The following ADAP1 variants were observed in gnomAD, a reference collection of about 807,000 sequenced individuals.
ADAP1 encodes the protein arf-GAP with dual PH domain-containing protein 1.
In ADAP1, 31 loss-of-function variants were observed where a neutral mutation model predicts 54.9. The ratio of observed to expected loss-of-function variants is 0.56; its 90% CI spans 0.42 to 0.76. The LOEUF (loss-of-function observed/expected upper bound fraction) is 0.76. Ranked by LOEUF, ADAP1 falls within the 30% of genes least tolerant of loss-of-function variation. ADAP1 has a pLI of 0.00. For synonymous variants in ADAP1, 313 were observed against 202.6 expected, an observed-to-expected ratio of 1.55 and a Z score of -4.63; for missense variants, 535 against 512.4, an observed-to-expected ratio of 1.04 and a Z score of -0.42.
At chr7:937,932 AG>A (rs1377119600) in intron 1 of ADAP1, among the ~76,000 whole-genome samples, 1 of 152,174 alleles carries the variant, frequency 6.6e-6, no homozygotes, top group Non-Finnish European at 1.5e-5. Context: ...CTCAGTCCGG[AG>A]CAGGTCTCCA....
At chr7:913,649 C>A (rs891438169) in intron 4 of ADAP1, among the ~76,000 whole-genome samples, 1 of 152,126 alleles carries the variant, frequency 6.6e-6, no homozygotes, top group African/African-American at 2.4e-5. Context: ...AAAGCTCCTT[C>A]AGAGGCCAGG....
chr7:898,873 C>G lies in ADAP1; in HGVS notation c.*48G>C, dbSNP rs376274002. Reference sequence around the variant, plus strand: ...AGCCCCCCCATCCACGGGTCCCCTCCGTCCAGCCACAGTGAGTCCAATGTC... The same window carrying G: ...AGCCCCCCCATCCACGGGTCCCCTCGGTCCAGCCACAGTGAGTCCAATGTC... On this transcript the variant is annotated 3_prime_UTR_variant, in exon 11 of 11. Coordinates refer to ENST00000265846, the MANE Select transcript of ADAP1 (RefSeq NM_006869.4). The G allele has an allele frequency of 1.3e-6, 2 of 1,567,188 alleles. No individual in the cohort carries two copies. Among genetic ancestry groups the G allele is most frequent in the African/African-American group, 1.4e-5 (1 of 73,624 alleles).
intron 2 of ADAP1, among the ~76,000 whole-genome samples, chr7:929,330 G>A (rs1022552237): frequency 6.6e-6 from 1 of 150,498 alleles, no homozygotes; most frequent in African/African-American, 2.4e-5. Flanking sequence ...TCTGACACAC[G>A]CTACAACCCA....
At chr7:911,326 C>T (rs1321778869) in intron 4 of ADAP1, among the ~76,000 whole-genome samples, 1 of 150,380 alleles carries the variant, frequency 6.6e-6, no homozygotes, top group East Asian at 1.9e-4. Context: ...CACGGGTTCA[C>T]AGTTTCCACA....
Position 945,258 on chromosome 7 carries a change from C to G in ADAP1, c.82+9138G>C, listed in dbSNP as rs565508097. ...GCATCCGCAAATGCCCGCAGCCCAT[C>G]GGAGCGAAAAGGGGCGGGGCACGCA... is the stretch of plus-strand genomic sequence containing the variant. On this transcript the variant is annotated intron_variant, in intron 1 of 10. Coordinates refer to ENST00000265846, the MANE Select transcript of ADAP1 (RefSeq NM_006869.4). The surrounding 1 kb of genome is among the most constrained non-coding windows in gnomAD (Gnocchi z 4.2). 1.3e-5 allele frequency among the ~76,000 whole-genome samples: 2 copies of G among 152,198 alleles called. No homozygotes were observed. Among genetic ancestry groups the G allele is most frequent in the Non-Finnish European group, 2.9e-5 (2 of 68,040 alleles).
chr7:909,174 C>T (rs1845609093), intron 4 of ADAP1, among the ~76,000 whole-genome samples: 2 of 131,574 alleles, frequency 1.5e-5, no homozygotes, highest in African/African-American at 5.7e-5. Flanking sequence ...CGACAGCAGG[C>T]GCCAGCGGGA....
intron 1 of ADAP1, among the ~76,000 whole-genome samples, chr7:949,309 T>G (rs75064722): frequency 0.042 from 6,454 of 152,338 alleles, 458 homozygotes; most frequent in African/African-American, 0.15. Context: ...TCAGCCACCT[T>G]GGACCCCACC....
chr7:905,042 C>T lies in ADAP1; in HGVS notation c.501+18G>A, dbSNP rs756339314. On this transcript the variant is annotated intron_variant, in intron 5 of 10. Transcript: ENST00000265846. Reference sequence around the variant, plus strand: ...CGCCCTGGGACAGGCCCCCACCCCACCCCCGTCTGTGACTCACATCATTTC... The same window carrying T: ...CGCCCTGGGACAGGCCCCCACCCCATCCCCGTCTGTGACTCACATCATTTC... 1.4e-5 allele frequency: 22 copies of T among 1,602,878 alleles called. No homozygotes were observed. In the South Asian group the frequency reaches 2.2e-4, roughly 16 times the overall value.
Position 931,456 on chromosome 7 carries a change from G to A in ADAP1, c.213+3919C>T, listed in dbSNP as rs117256558. Among the ~76,000 whole-genome samples the A allele has an allele frequency of 1.2e-4, 19 of 152,266 alleles. No individual in the cohort carries two copies. The East Asian group carries it at 3.1e-3, about 25-fold the overall frequency. On this transcript the variant is annotated intron_variant, in intron 2 of 10. Coordinates refer to ENST00000265846, the MANE Select transcript of ADAP1 (RefSeq NM_006869.4). ...TGATGGGCCTCGGGGACCTGGCACC[G>A]CGGGAAAGGAGTCGGACGCCGAAGC...
chr7:944,013 T>G (rs564837058), intron 1 of ADAP1, among the ~76,000 whole-genome samples: 21 of 152,110 alleles, frequency 1.4e-4, no homozygotes, highest in Admixed American at 5.2e-4. Flanking sequence ...CCTCCTGGAT[T>G]CAAGTGATCC....
At position 900,164 on chromosome 7, in the gene ADAP1, G is replaced by A. The variant is rs367753623; in HGVS notation, c.733C>T (p.Leu245=). ...TAGTTCCTGGAGAGCTTTGGCACCA[G>A]CTAGGGCAGGACACACCAGGCAGGG... ...VAFPGAGDAD[L]VPKLSRNYLK... The change falls in exon 8 of 11, where the codon CTG becomes TTG. Residue 245 remains leucine, a splice_region_variant and synonymous_variant. Coordinates refer to ENST00000265846, the MANE Select transcript of ADAP1 (RefSeq NM_006869.4). 7 of 1,613,042 alleles carry A rather than the reference G, an allele frequency of 4.3e-6. No homozygotes were observed. Among genetic ancestry groups the A allele is most frequent in the African/African-American group, 4.0e-5 (3 of 74,936 alleles).
At chr7:948,401 G>A (rs1274997725) in intron 1 of ADAP1, among the ~76,000 whole-genome samples, 4 of 151,982 alleles carry the variant, frequency 2.6e-5, no homozygotes, top group South Asian at 4.2e-4. Flanking sequence ...TTCCCTCCCC[G>A]CCGGCCCATG....
intron 4 of ADAP1, among the ~76,000 whole-genome samples, chr7:910,920 G>A (rs988355142): frequency 5.8e-4 from 88 of 152,302 alleles, no homozygotes; most frequent in African/African-American, 1.9e-3. Flanking sequence ...GGCAAACACC[G>A]GAGCCCACGG....
intron 1 of ADAP1, among the ~76,000 whole-genome samples, chr7:939,686 C>G (rs893502464): frequency 2.6e-5 from 4 of 151,864 alleles, no homozygotes; most frequent in Non-Finnish European, 5.9e-5. Context: ...CAAAAATTAG[C>G]CGGGCGTGGT....
chr7:905,030 G>T, intron 5 of ADAP1, 30 bp downstream of exon 5: 1 of 1,593,222 alleles, frequency 6.3e-7, no homozygotes, highest in Non-Finnish European at 8.6e-7. Flanking sequence ...CCTGGGACAG[G>T]CCCCCACCCC....
chr7:942,586 G>C (rs1846981413), intron 1 of ADAP1, among the ~76,000 whole-genome samples: 1 of 77,130 alleles, frequency 1.3e-5, no homozygotes, highest in African/African-American at 4.1e-5. Context: ...AAGGGAGAGA[G>C]GAGGAGGAAG....
chr7:946,007 G>T lies in ADAP1; in HGVS notation c.82+8389C>A, dbSNP rs1847128110. Reference sequence around the variant, plus strand: ...CAGCAGAGATCCCGGTGCAATCGAGGCCGGGTCGGACGCTGGCTCTGGCCA... The same window carrying T: ...CAGCAGAGATCCCGGTGCAATCGAGTCCGGGTCGGACGCTGGCTCTGGCCA... On this transcript the variant is annotated intron_variant, in intron 1 of 10. Coordinates refer to ENST00000265846, the MANE Select transcript of ADAP1 (RefSeq NM_006869.4). This position sits in a 1 kb window ranked among gnomAD's most constrained non-coding sequence, Gnocchi z 4.3. Among the ~76,000 whole-genome samples the T allele has an allele frequency of 6.6e-6, 1 of 151,922 alleles. No individual in the cohort carries two copies. The highest frequency in any genetic ancestry group is 1.5e-5 in the Non-Finnish European group (1 of 68,018).
intron 8 of ADAP1, among the ~76,000 whole-genome samples, chr7:899,894 C>T (rs920071212): frequency 1.3e-5 from 2 of 152,226 alleles, no homozygotes; most frequent in South Asian, 4.1e-4. Context: ...GCTGGTCAGA[C>T]GTGAGCGGGC....
chr7:916,654 T>C (rs1458396630), intron 4 of ADAP1, among the ~76,000 whole-genome samples: 1 of 152,158 alleles, frequency 6.6e-6, no homozygotes, highest in Non-Finnish European at 1.5e-5. Flanking sequence ...TCTTGCTCTC[T>C]CCCTCACACA....
Sources: gnomAD v4.1 joint callset for allele counts (sites outside exome capture counted in the v4.1 genomes callset) on GRCh38, gnomAD v4.1.1 for gene constraint, Gnocchi (gnomAD v3.1) non-coding constraint, MANE v1.5 for transcripts, NCBI Gene and HGNC (gene_info 2026-07-23, HGNC 2026-07-21) for gene names.